MINPP1: variants seen among roughly 807,000 people sequenced by gnomAD.
The protein encoded by MINPP1 is multiple inositol polyphosphate phosphatase 1.
MINPP1 carries 28 observed loss-of-function variants against 46.1 expected under a neutral mutation model. The ratio of observed to expected loss-of-function variants is 0.61; its 90% CI spans 0.45 to 0.83. The LOEUF is 0.83. Ranked by LOEUF, MINPP1 falls within the 40% of genes least tolerant of loss-of-function variation. The pLI, the probability that MINPP1 is intolerant of heterozygous loss-of-function variation, is 0.00. For synonymous variants in MINPP1, 268 were observed against 249.1 expected (o/e 1.08, Z -0.72); for missense variants, 603 against 610.0 (o/e 0.99, Z 0.12).
intron 3 of MINPP1, among the ~76,000 whole-genome samples, chr10:87,514,165 T>G (rs186033783): frequency 7.4e-4 from 113 of 152,272 alleles, no homozygotes; most frequent in African/African-American, 2.6e-3. Context: ...TGTCAGGGAT[T>G]AGAATGTGGA....
At chr10:87,523,300 G>A (rs1490031453) in intron 4 of MINPP1, among the ~76,000 whole-genome samples, 3 of 151,948 alleles carry the variant, frequency 2.0e-5, no homozygotes, top group Non-Finnish European at 4.4e-5. Flanking sequence ...GACAGCTATA[G>A]CCTTATGACA....
At chr10:87,551,099 A>G (rs1471614050) in intron 4 of MINPP1, among the ~76,000 whole-genome samples, 2 of 151,850 alleles carry the variant, frequency 1.3e-5, no homozygotes, top group Non-Finnish European at 1.5e-5. Flanking sequence ...TGCTACTTGG[A>G]GTGGTTCATA....
chr10:87,516,203 G>C lies in MINPP1; in HGVS notation c.933+2982G>C, dbSNP rs1385895351. ...GATAATTAGATATCCTGGACTTTGT[G>C]TACCTTCAGCAAGCATTTTTTGAGT... is the stretch of plus-strand genomic sequence containing the variant. On this transcript the variant is annotated intron_variant, in intron 3 of 4. Transcript: ENST00000371996. 5.7e-5 allele frequency among the ~76,000 whole-genome samples: 6 copies of C among 104,474 alleles called. 2 individuals carry two copies. In the East Asian group the frequency reaches 1.1e-3, roughly 20 times the overall value. The allele number at this position is 104,474 out of a possible 152,430, so 68.5% of individuals were successfully genotyped here.
intron 4 of MINPP1, among the ~76,000 whole-genome samples, chr10:87,530,806 G>A (rs569026668): frequency 6.6e-6 from 1 of 152,314 alleles, no homozygotes; most frequent in South Asian, 2.1e-4. Flanking sequence ...CAGAGGTGGA[G>A]TCTACAGAGG....
chr10:87,518,915 A>C (rs1851453848), intron 3 of MINPP1, among the ~76,000 whole-genome samples: 1 of 152,166 alleles, frequency 6.6e-6, no homozygotes, highest in Non-Finnish European at 1.5e-5. Flanking sequence ...AGCTATCTGT[A>C]AGCTCTCTAA....
In MINPP1 at chr10:87,513,118, C is replaced by T. The variant is rs1445143702; in HGVS notation, c.836-6C>T. The T allele has an allele frequency of 1.2e-6, 2 of 1,611,398 alleles. No homozygotes were observed. Among genetic ancestry groups the T allele is most frequent in the Non-Finnish European group, 1.7e-6 (2 of 1,177,858 alleles). ...CCCACAAAATTTTACCTTTTTTTCCCCCCAGATTTAATTCAAGTAGCCTTT... is the reference window on the plus strand; with the variant it reads ...CCCACAAAATTTTACCTTTTTTTCCTCCCAGATTTAATTCAAGTAGCCTTT... On this transcript the variant is annotated splice_region_variant and splice_polypyrimidine_tract_variant and intron_variant, in intron 2 of 4. Transcript: ENST00000371996.
chr10:87,523,595 G>A (rs1851533801), intron 4 of MINPP1, among the ~76,000 whole-genome samples: 1 of 150,364 alleles, frequency 6.7e-6, no homozygotes. Context: ...TCCTGACCTT[G>A]GATCCGCCTG....
intron 3 of MINPP1, among the ~76,000 whole-genome samples, chr10:87,517,044 A>G (rs762350309): frequency 6.6e-6 from 1 of 152,166 alleles, no homozygotes; most frequent in Non-Finnish European, 1.5e-5. Flanking sequence ...GGGGAACAAC[A>G]TACACTGGGG....
intron 4 of MINPP1, among the ~76,000 whole-genome samples, chr10:87,532,765 G>A (rs1457623255): frequency 6.6e-6 from 1 of 152,194 alleles, no homozygotes; most frequent in East Asian, 1.9e-4. Flanking sequence ...GCTCAGCAAG[G>A]AGCAAGTAAG....
chr10:87,513,066 C>A, intron 2 of MINPP1, 58 bp from the exon 3 acceptor site: 1 of 1,197,432 alleles, frequency 8.4e-7, no homozygotes, highest in Non-Finnish European at 1.2e-6. Flanking sequence ...AGATATTTAG[C>A]CTTTGAAAAA....
chr10:87,533,909 C>G (rs769133816), intron 4 of MINPP1, among the ~76,000 whole-genome samples: 1 of 152,036 alleles, frequency 6.6e-6, no homozygotes, highest in Non-Finnish European at 1.5e-5. Context: ...CTTTAAAGTT[C>G]TTAGAAATGT....
intron 3 of MINPP1, among the ~76,000 whole-genome samples, chr10:87,519,593 T>C (rs1037033222): frequency 1.3e-5 from 2 of 152,242 alleles, no homozygotes; most frequent in African/African-American, 4.8e-5. Context: ...TGTGCTGTGC[T>C]AGTCTAGATT....
At chr10:87,527,482 G>C (rs1025648541) in intron 4 of MINPP1, among the ~76,000 whole-genome samples, 1 of 152,102 alleles carries the variant, frequency 6.6e-6, no homozygotes, top group South Asian at 2.1e-4. Flanking sequence ...TAGCATGAAG[G>C]GCTGTTGAAT....
chr10:87,526,219 G>A (rs1162978685), intron 4 of MINPP1, among the ~76,000 whole-genome samples: 2 of 152,126 alleles, frequency 1.3e-5, no homozygotes, highest in Non-Finnish European at 2.9e-5. Flanking sequence ...GTTGTTTCCT[G>A]ACTTTTTAAT....
At chr10:87,524,696 T>C (rs1266471740) in intron 4 of MINPP1, among the ~76,000 whole-genome samples, 2 of 152,158 alleles carry the variant, frequency 1.3e-5, no homozygotes, top group African/African-American at 4.8e-5. Context: ...GGATTATTAA[T>C]TGACGTAATT....
intron 2 of MINPP1, among the ~76,000 whole-genome samples, chr10:87,511,563 C>T (rs1431710162): frequency 6.6e-6 from 1 of 152,164 alleles, no homozygotes; most frequent in African/African-American, 2.4e-5. Context: ...AGAGCTATAA[C>T]TTAAATAAGA....
At chr10:87,547,535 G>A (rs1589387027) in intron 4 of MINPP1, among the ~76,000 whole-genome samples, 1 of 152,046 alleles carries the variant, frequency 6.6e-6, no homozygotes. Flanking sequence ...AAATTTTTTG[G>A]TATAAATTGT....
At chr10:87,551,988 C>G (rs1471715880) in intron 4 of MINPP1, 94 bp from the exon 5 acceptor site, 5 of 979,770 alleles carry the variant, frequency 5.1e-6, no homozygotes. Context: ...ATTATTTAAA[C>G]TAAAAAAAGA....
At chr10:87,517,115 T>C (rs1462427144) in intron 3 of MINPP1, among the ~76,000 whole-genome samples, 2 of 152,006 alleles carry the variant, frequency 1.3e-5, no homozygotes, top group Non-Finnish European at 1.5e-5. Context: ...TAATGGGCAC[T>C]AGGATTAATA....
Sources: gnomAD v4.1 joint callset for allele counts (sites outside exome capture counted in the v4.1 genomes callset) on GRCh38, gnomAD v4.1.1 for gene constraint, MANE v1.5 for transcripts, NCBI Gene and HGNC (gene_info 2026-07-23, HGNC 2026-07-21) for gene names.